The following FCHSD2 variants were observed in gnomAD, a reference collection of about 807,000 sequenced individuals.
FCHSD2 encodes the protein FCH and double SH3 domains 2, also known as F-BAR and double SH3 domains protein 2.
In FCHSD2, 38 loss-of-function variants were observed where a neutral mutation model predicts 108.1. That is an observed-to-expected ratio of 0.35 (90% CI 0.27 to 0.46). The LOEUF is 0.46. Among genes scored for constraint, FCHSD2 ranks in the 20% least tolerant of loss-of-function variants. FCHSD2 has a pLI of 1.00. For synonymous variants in FCHSD2, 279 were observed against 314.7 expected (o/e 0.89, Z 1.20); for missense variants, 751 against 897.8 (o/e 0.84, Z 2.09).
intron 4 of FCHSD2, among the ~76,000 whole-genome samples, chr11:73,012,648 T>C (rs1403131641): frequency 4.6e-5 from 7 of 152,140 alleles, no homozygotes; most frequent in Non-Finnish European, 1.0e-4. Context: ...TTTTTCACAA[T>C]AGCACCACCA....
At chr11:72,862,039 G>A (rs922278112) in intron 13 of FCHSD2, among the ~76,000 whole-genome samples, 2 of 151,828 alleles carry the variant, frequency 1.3e-5, no homozygotes, top group African/African-American at 4.8e-5. Flanking sequence ...CACCATATTA[G>A]CAGACTAAAA....
intron 9 of FCHSD2, among the ~76,000 whole-genome samples, chr11:72,917,280 G>C (rs990912903): frequency 6.6e-6 from 1 of 152,246 alleles, no homozygotes; most frequent in South Asian, 2.1e-4. Context: ...ATCACACCTG[G>C]CTTGAACTTC....
At chr11:72,885,121 C>G (rs1485940168) in intron 12 of FCHSD2, among the ~76,000 whole-genome samples, 3 of 152,128 alleles carry the variant, frequency 2.0e-5, no homozygotes, top group Non-Finnish European at 4.4e-5. Context: ...ATGGTCTAGT[C>G]CATCCAAAAA....
chr11:73,040,268 C>T (rs1858602624), intron 3 of FCHSD2, among the ~76,000 whole-genome samples: 1 of 152,104 alleles, frequency 6.6e-6, no homozygotes, highest in African/African-American at 2.4e-5. Context: ...ACAGGAGAAG[C>T]CCTCCTACTA....
At chr11:72,946,893 T>C (rs1364336574) in intron 8 of FCHSD2, among the ~76,000 whole-genome samples, 1 of 152,202 alleles carries the variant, frequency 6.6e-6, no homozygotes, top group Non-Finnish European at 1.5e-5. Flanking sequence ...CTCACAAGGA[T>C]GTAGGACAAA....
At chr11:72,959,904 C>A (rs1371085143) in intron 8 of FCHSD2, among the ~76,000 whole-genome samples, 1 of 142,200 alleles carries the variant, frequency 7.0e-6, no homozygotes, top group Non-Finnish European at 1.5e-5. Flanking sequence ...TATCAATATA[C>A]CTCAGATATT....
At chr11:73,071,869 T>C (rs1448424545) in intron 3 of FCHSD2, among the ~76,000 whole-genome samples, 1 of 152,198 alleles carries the variant, frequency 6.6e-6, no homozygotes, top group Non-Finnish European at 1.5e-5. Context: ...TTAATCTATG[T>C]AAAGTGCTTA....
intron 3 of FCHSD2, among the ~76,000 whole-genome samples, chr11:73,070,297 C>A (rs1352522867): frequency 1.3e-5 from 2 of 152,220 alleles, no homozygotes; most frequent in Non-Finnish European, 2.9e-5. Context: ...TCATCTCATA[C>A]CACTCTGTTT....
intron 3 of FCHSD2, among the ~76,000 whole-genome samples, chr11:73,036,304 G>C (rs1325091942): frequency 6.7e-6 from 1 of 148,268 alleles, no homozygotes; most frequent in African/African-American, 2.5e-5. Flanking sequence ...AACAACCAAA[G>C]AAGTATAGGA....
chr11:72,972,298 C>CA (rs1165327307), intron 8 of FCHSD2, among the ~76,000 whole-genome samples: 1 of 152,116 alleles, frequency 6.6e-6, no homozygotes, highest in Admixed American at 6.5e-5. Context: ...GAGTTTACCT[C>CA]AAAAAACTCT....
chr11:72,842,762 AC>A lies in FCHSD2; in HGVS notation c.1784del (p.Arg595LeufsTer3). 1 of 1,614,036 alleles carries A rather than the reference AC, an allele frequency of 6.2e-7. No homozygotes were observed. Among genetic ancestry groups the A allele is most frequent in the Non-Finnish European group, 8.5e-7 (1 of 1,179,884 alleles). On this transcript the variant is annotated frameshift_variant, in exon 17 of 20. Transcript: ENST00000409418. LOFTEE classifies it high-confidence loss of function. Reference sequence around the variant, plus strand: ...CATCTTGGTTTTCTTTGTTCAAGATACGGATTATTGCTCCCTCAGGAAAAGA... The same window carrying A: ...CATCTTGGTTTTCTTTGTTCAAGATAGGATTATTGCTCCCTCAGGAAAAGA... ...ELSFPEGAII[R>X]ILNKENQDDD...
intron 2 of FCHSD2, among the ~76,000 whole-genome samples, chr11:73,096,987 A>AATTTTTTTTTTTTTTTTT (rs1860095700): frequency 2.6e-4 from 7 of 27,020 alleles, no homozygotes; most frequent in African/African-American, 1.4e-3. Context: ...TCATTGATGG[A>AATTTTTTTTTTTTTTTTT]TTTTTTTTTT....
chr11:72,846,536 G>A (rs1861149207), intron 14 of FCHSD2, among the ~76,000 whole-genome samples: 1 of 152,100 alleles, frequency 6.6e-6, no homozygotes, highest in South Asian at 2.1e-4. Flanking sequence ...CTACCATGAT[G>A]CTCTAATGAG....
chr11:72,890,013 AT>A (rs1443598938), intron 10 of FCHSD2, 68 bp from the exon 11 acceptor site: 1 of 951,466 alleles, frequency 1.1e-6, no homozygotes, highest in African/African-American at 1.6e-5. Flanking sequence ...TGCTTTGTAG[AT>A]GGATCAGAAG....
chr11:73,133,750 G>A (rs866746493), intron 2 of FCHSD2, among the ~76,000 whole-genome samples: 7 of 143,118 alleles, frequency 4.9e-5, no homozygotes, highest in Admixed American at 2.2e-4. Flanking sequence ...CCGGCATCGC[G>A]CCACTGCACT....
At chr11:72,992,661 G>A (rs928892831) in intron 5 of FCHSD2, among the ~76,000 whole-genome samples, 13 of 152,268 alleles carry the variant, frequency 8.5e-5, no homozygotes, top group African/African-American at 2.6e-4. Flanking sequence ...ATGGGGAAAC[G>A]ATTCCCTATT....
chr11:73,102,043 G>A (rs1860237857), intron 2 of FCHSD2, among the ~76,000 whole-genome samples: 1 of 152,182 alleles, frequency 6.6e-6, no homozygotes, highest in Non-Finnish European at 1.5e-5. Context: ...CCATCAGGCT[G>A]AAGACCATAT....
At chr11:72,877,487 A>AT (rs2135225701) in intron 12 of FCHSD2, among the ~76,000 whole-genome samples, 1 of 152,238 alleles carries the variant, frequency 6.6e-6, no homozygotes, top group South Asian at 2.1e-4. Context: ...CTATTAAATA[A>AT]TTTTTGTTTT....
chr11:72,928,744 T>C (rs902633831), intron 8 of FCHSD2, among the ~76,000 whole-genome samples: 1 of 152,190 alleles, frequency 6.6e-6, no homozygotes, highest in Non-Finnish European at 1.5e-5. Flanking sequence ...TATTATACTT[T>C]AAGTTTTAGG....
Sources: allele counts gnomAD v4.1 joint callset (sites outside exome capture counted in the v4.1 genomes callset), GRCh38; gene constraint gnomAD v4.1.1; transcripts MANE v1.5; gene names NCBI Gene and HGNC (gene_info 2026-07-23, HGNC 2026-07-21).